The following RIGI variants were observed in gnomAD, a reference collection of about 807,000 sequenced individuals.
The protein encoded by RIGI is antiviral innate immune response receptor RIG-I.
chr9:32,521,460 G>T, the RIGI span, among the ~76,000 whole-genome samples: 2 of 151,994 alleles, frequency 1.3e-5, no homozygotes, highest in Non-Finnish European at 2.9e-5. Context: ...TTATCTTTTT[G>T]GCTAAATGAA....
chr9:32,501,329 A>C, the RIGI span, among the ~76,000 whole-genome samples: 1 of 124,760 alleles, frequency 8.0e-6, no homozygotes, highest in African/African-American at 3.4e-5. Flanking sequence ...CCTCTACAAA[A>C]AAAAAAAAAA....
chr9:32,476,901 C>T, the RIGI span: 18 of 1,212,880 alleles, frequency 1.5e-5, no homozygotes, highest in Admixed American at 2.2e-4. Context: ...GGATTACAGG[C>T]GTGAGACACC....
At chr9:32,497,795 A>T in the RIGI span, among the ~76,000 whole-genome samples, 2 of 150,822 alleles carry the variant, frequency 1.3e-5, no homozygotes, top group South Asian at 4.2e-4. Flanking sequence ...TAATTCTGCC[A>T]TCTGCAAACA....
At chr9:32,457,465 C>A in the RIGI span, 1 of 1,437,826 alleles carries the variant, frequency 7.0e-7, no homozygotes, top group Non-Finnish European at 9.5e-7. Context: ...ACGTTAGAAC[C>A]AGTACATAAT....
chr9:32,472,861 T>G, the RIGI span: 1 of 547,568 alleles, frequency 1.8e-6, no homozygotes, highest in Non-Finnish European at 2.6e-6. Flanking sequence ...GAAATATATA[T>G]TAAAACAGAA....
At chr9:32,521,291 G>A in the RIGI span, among the ~76,000 whole-genome samples, 837 of 151,966 alleles carry the variant, frequency 5.5e-3, 4 homozygotes, top group Non-Finnish European at 9.6e-3. Flanking sequence ...TGAATAAAAT[G>A]TTTGTATAAT....
At chr9:32,461,887 C>T in the RIGI span, among the ~76,000 whole-genome samples, 2 of 152,102 alleles carry the variant, frequency 1.3e-5, no homozygotes, top group Non-Finnish European at 2.9e-5. Flanking sequence ...ATCATTTATG[C>T]TTTCAATATG....
chr9:32,466,172 A>T, the RIGI span: 2 of 1,022,682 alleles, frequency 2.0e-6, no homozygotes, highest in Non-Finnish European at 2.9e-6. Context: ...TTCACTAAGT[A>T]TAAACTTTTT....
chr9:32,495,676 T>TA, the RIGI span, among the ~76,000 whole-genome samples: 2 of 150,442 alleles, frequency 1.3e-5, no homozygotes, highest in Non-Finnish European at 1.5e-5. Flanking sequence ...TTTTTTTTTT[T>TA]TGAGATGGAG....
the RIGI span, among the ~76,000 whole-genome samples, chr9:32,515,176 C>T: frequency 5.3e-5 from 8 of 152,084 alleles, no homozygotes; most frequent in East Asian, 1.9e-4. Flanking sequence ...CCAAGGCGTG[C>T]GGACCACAAG....
chr9:32,507,600 G>A, the RIGI span, among the ~76,000 whole-genome samples: 284 of 151,390 alleles, frequency 1.9e-3, 2 homozygotes, highest in African/African-American at 6.6e-3. Flanking sequence ...CTTTCTTTAC[G>A]TATGCATTTA....
At chr9:32,466,820 C>G in the RIGI span, among the ~76,000 whole-genome samples, 1 of 151,124 alleles carries the variant, frequency 6.6e-6, no homozygotes, top group East Asian at 2.0e-4. Flanking sequence ...GGTGATTAGA[C>G]AGCCGTACTG....
At chr9:32,485,190 TTC>T in the RIGI span, 2 of 1,601,578 alleles carry the variant, frequency 1.2e-6, no homozygotes, top group South Asian at 2.3e-5. Context: ...TCTTTGCAGA[TTC>T]TCTTTGCCAG....
the RIGI span, chr9:32,500,796 T>C: frequency 1.2e-6 from 2 of 1,604,234 alleles, no homozygotes; most frequent in South Asian, 1.1e-5. Flanking sequence ...TTAAAAAGAA[T>C]GAACTAACCT....
chr9:32,526,026 T>C, the RIGI span: 3 of 1,521,424 alleles, frequency 2.0e-6, no homozygotes, highest in Non-Finnish European at 2.7e-6. Context: ...TCCTCAATTG[T>C]TTTCCGCCGA....
the RIGI span, among the ~76,000 whole-genome samples, chr9:32,495,069 T>A: frequency 6.6e-6 from 1 of 152,242 alleles, no homozygotes; most frequent in African/African-American, 2.4e-5. Flanking sequence ...CATATGGTGA[T>A]ATATATTTTC....
the RIGI span, among the ~76,000 whole-genome samples, chr9:32,497,505 T>C: frequency 1.3e-5 from 2 of 152,214 alleles, no homozygotes; most frequent in East Asian, 1.9e-4. Context: ...CCAAGCACTT[T>C]GGGAGGCCGA....
the RIGI span, among the ~76,000 whole-genome samples, chr9:32,502,797 C>T: frequency 6.6e-6 from 1 of 152,314 alleles, no homozygotes; most frequent in Non-Finnish European, 1.5e-5. Flanking sequence ...GGCCACATCA[C>T]TCCAATCTCT....
At chr9:32,495,914 C>T in the RIGI span, among the ~76,000 whole-genome samples, 2 of 152,104 alleles carry the variant, frequency 1.3e-5, no homozygotes, top group Admixed American at 1.3e-4. Flanking sequence ...GCCTCAGCCT[C>T]CCAAAGTGCT....
Sources: allele counts gnomAD v4.1 joint callset (sites outside exome capture counted in the v4.1 genomes callset), GRCh38; gene constraint gnomAD v4.1.1; transcripts MANE v1.5; gene names NCBI Gene and HGNC (gene_info 2026-07-23, HGNC 2026-07-21).